Variants in BRD9 observed in about 807,000 individuals in gnomAD.
BRD9 encodes the protein bromodomain containing 9.
Under a neutral mutation model 68.7 loss-of-function variants are expected in BRD9, and 47 were observed. The ratio of observed to expected loss-of-function variants is 0.68; its 90% CI spans 0.54 to 0.87. The LOEUF (loss-of-function observed/expected upper bound fraction) is 0.87, where lower values mean the gene tolerates loss of function less well. Among genes scored for constraint, BRD9 ranks in the 40% least tolerant of loss-of-function variants. The probability of loss-of-function intolerance (pLI) is 0.00; values close to 1 mark genes in which losing one functional copy is unlikely to be tolerated. For synonymous variants in BRD9, 313 were observed against 293.9 expected (o/e 1.06, Z -0.67); for missense variants, 670 against 748.4 (o/e 0.90, Z 1.22).
intron 8 of BRD9, chr5:883,120 A>G (rs1752040691): frequency 1.9e-5 from 7 of 361,616 alleles, no homozygotes; most frequent in South Asian, 1.5e-4. Flanking sequence ...CAACCTCGCA[A>G]CACGCAAGCC....
chr5:865,825 C>T (rs890926906), intron 14 of BRD9: 2 of 491,364 alleles, frequency 4.1e-6, no homozygotes, highest in African/African-American at 1.9e-5. Flanking sequence ...TCAGACAAGA[C>T]CTAGCACCGC....
At chr5:865,653 C>T in intron 14 of BRD9, 72 bp from the exon 15 acceptor site, 3 of 1,478,362 alleles carry the variant, frequency 2.0e-6, no homozygotes, top group Admixed American at 2.0e-5. Flanking sequence ...CAGGAGCACA[C>T]TGCCCATCCA....
intron 4 of BRD9, 32 bp from the exon 5 acceptor site, chr5:889,197 T>C (rs775372795): frequency 1.4e-5 from 22 of 1,591,882 alleles, no homozygotes; most frequent in Non-Finnish European, 1.1e-5. Context: ...AGCGGAAAAA[T>C]CTAGATTTCT....
chr5:884,866 G>A (rs556448481), intron 7 of BRD9, among the ~76,000 whole-genome samples: 2 of 152,264 alleles, frequency 1.3e-5, no homozygotes, highest in African/African-American at 2.4e-5. Flanking sequence ...GCCCATTACC[G>A]ATGCGCACTG....
At chr5:886,416 G>A (rs1012831450) in intron 7 of BRD9, among the ~76,000 whole-genome samples, 176 bp downstream of exon 7, 3 of 152,130 alleles carry the variant, frequency 2.0e-5, no homozygotes, top group Admixed American at 6.5e-5. Context: ...GCACGTGGCC[G>A]GTGGGCAGGA....
At chr5:885,084 C>T (rs983807195) in intron 7 of BRD9, among the ~76,000 whole-genome samples, 20 of 152,228 alleles carry the variant, frequency 1.3e-4, no homozygotes, top group Non-Finnish European at 2.5e-4. Flanking sequence ...CTTCAATTCC[C>T]CCTCGATGCT....
chr5:884,081 G>A lies in BRD9; in HGVS notation c.834-11C>T. ...GGCTCAAACATGCAGCTGTGAGGTG[G>A]GGACAACCAAGTCACCTGGAGGCAG... On this transcript the variant is annotated splice_polypyrimidine_tract_variant and intron_variant, in intron 7 of 15. Transcript: ENST00000467963. 1 of 1,611,218 alleles carries A rather than the reference G, an allele frequency of 6.2e-7. No homozygotes were observed. The highest frequency in any genetic ancestry group is 8.5e-7 in the Non-Finnish European group (1 of 1,178,860).
chr5:873,115 C>A (rs1027658029), intron 12 of BRD9, among the ~76,000 whole-genome samples: 1 of 152,038 alleles, frequency 6.6e-6, no homozygotes, highest in Non-Finnish European at 1.5e-5. Flanking sequence ...CAGTGAGCCA[C>A]AATCACGCCA....
At chr5:881,321 A>G (rs1036379631) in intron 8 of BRD9, 139 bp from the exon 9 acceptor site, 2 of 784,742 alleles carry the variant, frequency 2.5e-6, no homozygotes, top group Non-Finnish European at 4.1e-6. Flanking sequence ...CCCTCACGGC[A>G]TTCCCTGGAA....
chr5:886,444 C>T, intron 7 of BRD9, 148 bp downstream of exon 7: 2 of 837,614 alleles, frequency 2.4e-6, no homozygotes, highest in Non-Finnish European at 3.7e-6. Context: ...TCTGGCCACA[C>T]TCCTCCTGCC....
intron 1 of BRD9, 26 bp downstream of exon 1, chr5:892,580 C>T: frequency 6.5e-7 from 1 of 1,533,716 alleles, no homozygotes; most frequent in Non-Finnish European, 8.8e-7. Flanking sequence ...CCGCCCGCCG[C>T]GCGTCACAAA....
intron 12 of BRD9, 74 bp downstream of exon 12, chr5:876,027 C>A: frequency 9.7e-7 from 1 of 1,033,054 alleles, no homozygotes; most frequent in South Asian, 1.4e-5. Context: ...AAAGCCTGGT[C>A]AGGCTGCAGG....
chr5:865,962 G>T (rs527970594), intron 14 of BRD9: 9 of 176,484 alleles, frequency 5.1e-5, no homozygotes, highest in African/African-American at 2.1e-4. Flanking sequence ...GCAAGAGGCC[G>T]GCAGACCCTG....
chr5:886,929 C>T (rs1053716406), intron 6 of BRD9: 4 of 715,256 alleles, frequency 5.6e-6, no homozygotes, highest in Non-Finnish European at 6.7e-6. Flanking sequence ...TGACCCACCG[C>T]CAGAGCGCGG....
In BRD9 at chr5:864,458, T is replaced by C; in HGVS notation, c.*10A>G. On this transcript the variant is annotated 3_prime_UTR_variant, in exon 16 of 16. Transcript: ENST00000467963. ...AAAAATAAAATAAAAGAGCTGAAGGTGGTCTAGAGTTAGGTCTTGGCAGAG... is the reference window on the plus strand; with the variant it reads ...AAAAATAAAATAAAAGAGCTGAAGGCGGTCTAGAGTTAGGTCTTGGCAGAG... The C allele has an allele frequency of 6.4e-7, 1 of 1,570,438 alleles. No homozygotes were observed.
intron 11 of BRD9, among the ~76,000 whole-genome samples, chr5:876,886 C>G (rs1454494282): frequency 6.6e-6 from 1 of 152,150 alleles, no homozygotes; most frequent in Non-Finnish European, 1.5e-5. Flanking sequence ...CACCCACAGC[C>G]CGGGACAGGC....
rs542304801 is a variant in BRD9, at chr5:886,668, C to T, written c.757G>A (p.Glu253Lys). Residue 253 changes from glutamate (E) to lysine (K), a missense_variant, in exon 7 of 16, where the codon GAA (glutamate) becomes AAA (lysine). Transcript: ENST00000467963. ...LLGNEDTAVE[E>K]PVPEVVPVQV... The stretch of plus-strand genomic sequence containing the variant: ...ACTGGTACAACTTCAGGGACAGGTT[C>T]CTCAACAGCTGTATCTTCATTGCCC... The T allele has an allele frequency of 6.2e-7, 1 of 1,614,156 alleles. No homozygotes were observed. Among genetic ancestry groups the T allele is most frequent in the Admixed American group, 1.7e-5 (1 of 60,034 alleles).
chr5:866,291 C>T (rs1749371176), intron 14 of BRD9: 1 of 152,312 alleles, frequency 6.6e-6, no homozygotes, highest in African/African-American at 2.4e-5. Flanking sequence ...CCAACGGCAT[C>T]AACTACAAAC....
At chr5:883,916 C>T in intron 8 of BRD9, 22 bp downstream of exon 8, 1 of 1,605,176 alleles carries the variant, frequency 6.2e-7, no homozygotes, top group South Asian at 1.1e-5. Context: ...GGCACCCTCT[C>T]TCGGTGGCCA....
Sources: gnomAD v4.1 joint callset for allele counts (sites outside exome capture counted in the v4.1 genomes callset) on GRCh38, gnomAD v4.1.1 for gene constraint, MANE v1.5 for transcripts, NCBI Gene and HGNC (gene_info 2026-07-23, HGNC 2026-07-21) for gene names.